ESR1: variants seen among roughly 807,000 people sequenced by gnomAD.
The protein encoded by ESR1 is estrogen receptor 1.
In ESR1, 12 loss-of-function variants were observed where a neutral mutation model predicts 52.7. The ratio of observed to expected loss-of-function variants is 0.23; its 90% CI spans 0.15 to 0.37. The LOEUF (loss-of-function observed/expected upper bound fraction) is 0.37, where lower values mean the gene tolerates loss of function less well. ESR1 is among the 10% of genes least tolerant of loss of function. The pLI, the probability that ESR1 is intolerant of heterozygous loss-of-function variation, is 1.00. For synonymous variants in ESR1, 305 were observed against 316.8 expected (o/e 0.96, Z 0.39); for missense variants, 584 against 779.7 (o/e 0.75, Z 2.99).
At chr6:152,057,740 A>T (rs962133136) in intron 5 of ESR1, among the ~76,000 whole-genome samples, 1 of 151,244 alleles carries the variant, frequency 6.6e-6, no homozygotes, top group Non-Finnish European at 1.5e-5. Flanking sequence ...TGAGAACTGA[A>T]TTGAGAGTTT....
intron 5 of ESR1, among the ~76,000 whole-genome samples, chr6:152,015,171 T>G (rs1162299025): frequency 6.6e-6 from 1 of 152,180 alleles, no homozygotes; most frequent in Non-Finnish European, 1.5e-5. Flanking sequence ...CAGTGAGCCC[T>G]TGTCCAGGCT....
At chr6:151,863,574 T>C (rs1210396020) in intron 2 of ESR1, among the ~76,000 whole-genome samples, 1 of 152,170 alleles carries the variant, frequency 6.6e-6, no homozygotes, top group Non-Finnish European at 1.5e-5. Flanking sequence ...AGATATACAA[T>C]CATGTCATCT....
chr6:152,085,302 C>G (rs1356582128), intron 6 of ESR1, among the ~76,000 whole-genome samples: 1 of 151,170 alleles, frequency 6.6e-6, no homozygotes, highest in African/African-American at 2.5e-5. Context: ...GACCCTGTCT[C>G]TCTTTCTAAA....
chr6:151,848,471 A>C (rs1266692187), intron 2 of ESR1, among the ~76,000 whole-genome samples: 1 of 126,272 alleles, frequency 7.9e-6, no homozygotes, highest in Non-Finnish European at 1.7e-5. Context: ...TAAAACTTAG[A>C]GTATAATAAA....
intron 4 of ESR1, among the ~76,000 whole-genome samples, chr6:151,975,507 T>C (rs1302036928): frequency 6.6e-6 from 1 of 152,096 alleles, no homozygotes; most frequent in Non-Finnish European, 1.5e-5. Context: ...ATTCATGCCA[T>C]TGCGGTCATT....
chr6:151,777,588 T>A (rs1786132550), intron 2 of ESR1, among the ~76,000 whole-genome samples: 2 of 152,144 alleles, frequency 1.3e-5, no homozygotes, highest in South Asian at 2.1e-4. Context: ...AAGGGTCATG[T>A]GGGGACTGGA....
intron 6 of ESR1, among the ~76,000 whole-genome samples, chr6:152,090,357 G>A (rs964875856): frequency 2.0e-5 from 3 of 152,154 alleles, no homozygotes; most frequent in East Asian, 3.8e-4. Flanking sequence ...ATCAAGATGC[G>A]ATAGAATGAA....
intron 4 of ESR1, among the ~76,000 whole-genome samples, chr6:151,988,960 G>A (rs1234025078): frequency 6.6e-6 from 1 of 152,000 alleles, no homozygotes; most frequent in Non-Finnish European, 1.5e-5. Context: ...TTACACACTG[G>A]CATGGGGAAT....
intron 2 of ESR1, among the ~76,000 whole-genome samples, chr6:151,707,972 G>C (rs1207640943): frequency 1.3e-5 from 2 of 151,960 alleles, no homozygotes; most frequent in African/African-American, 2.4e-5. Context: ...ATGTTACAGA[G>C]ATCTTGGGGG....
At chr6:151,855,471 CT>C (rs1450400781) in intron 2 of ESR1, among the ~76,000 whole-genome samples, 1 of 152,288 alleles carries the variant, frequency 6.6e-6, no homozygotes, top group East Asian at 1.9e-4. Context: ...ACCTAGAGAC[CT>C]CCCTGTTGAA....
chr6:151,755,425 C>T (rs929405774), intron 2 of ESR1, among the ~76,000 whole-genome samples: 1 of 152,024 alleles, frequency 6.6e-6, no homozygotes, highest in Admixed American at 6.5e-5. Flanking sequence ...ATCAGAGTAT[C>T]CTGTTGGCTA....
At chr6:151,887,476 A>G (rs1379657458) in intron 3 of ESR1, among the ~76,000 whole-genome samples, 1 of 152,094 alleles carries the variant, frequency 6.6e-6, no homozygotes, top group Non-Finnish European at 1.5e-5. Flanking sequence ...TTTTATATCA[A>G]TCAAGCTCTG....
intron 4 of ESR1, among the ~76,000 whole-genome samples, chr6:151,949,126 G>C (rs1047998746): frequency 1.3e-5 from 2 of 152,120 alleles, no homozygotes; most frequent in African/African-American, 4.8e-5. Flanking sequence ...CCACCATAGT[G>C]AGATTCTATT....
intron 2 of ESR1, among the ~76,000 whole-genome samples, chr6:151,791,299 G>A (rs769445212): frequency 6.6e-5 from 10 of 152,074 alleles, no homozygotes; most frequent in Non-Finnish European, 1.3e-4. Flanking sequence ...GGTCTCTCCC[G>A]TGCTGTTCTC....
intron 1 of ESR1, among the ~76,000 whole-genome samples, chr6:151,657,109 TTTTG>T (rs1297958181): frequency 1.3e-5 from 2 of 152,182 alleles, no homozygotes; most frequent in Non-Finnish European, 1.5e-5. Context: ...GGAATACAGT[TTTTG>T]TTTGTTTTAG....
rs542085445 is a variant in ESR1, at chr6:152,070,758, C to A, written c.1369+9634C>A. On this transcript the variant is annotated intron_variant, in intron 6 of 7. Coordinates refer to ENST00000206249, the MANE Select transcript of ESR1 (RefSeq NM_000125.4). ...CATTGAGCTCCCCACCAGCTTCCACCTCTTCCAGCACTTTCCGCCAGAGGG... is the reference window on the plus strand; with the variant it reads ...CATTGAGCTCCCCACCAGCTTCCACATCTTCCAGCACTTTCCGCCAGAGGG... 9.3e-5 allele frequency among the ~76,000 whole-genome samples: 13 copies of A among 139,310 alleles called. 2 individuals carry two copies. The East Asian group carries it at 3.0e-3, about 32-fold the overall frequency. 91.4% of individuals were successfully genotyped at this position (139,310 alleles called of 152,430 possible). A position where few individuals can be genotyped will look rare whatever the true frequency, so the allele number is the denominator to read the frequency against.
intron 2 of ESR1, among the ~76,000 whole-genome samples, chr6:151,704,761 G>T (rs1780053894): frequency 6.6e-6 from 1 of 152,128 alleles, no homozygotes; most frequent in Non-Finnish European, 1.5e-5. Context: ...CTAGGAGGGG[G>T]TTTCATTAAA....
Position 152,101,011 on chromosome 6 carries a change from CA to C in ESR1, c.*2050del. The C allele has an allele frequency of 4.5e-6, 1 of 220,750 alleles. No homozygotes were observed. The highest frequency in any genetic ancestry group is 8.9e-6 in the Non-Finnish European group (1 of 111,910). The allele number at this position is 220,750 out of a possible 1,614,324, so 13.7% of individuals were successfully genotyped here. On this transcript the variant is annotated 3_prime_UTR_variant, in exon 8 of 8. Coordinates refer to ENST00000206249, the MANE Select transcript of ESR1 (RefSeq NM_000125.4). ...GATTTAATTTGACTGGGTTAACATGCAAAAACCAAGGAAAAATATTTAGTTT... is the reference window on the plus strand; with the variant it reads ...GATTTAATTTGACTGGGTTAACATGCAAAACCAAGGAAAAATATTTAGTTT...
chr6:151,750,332 A>T lies in ESR1; in HGVS notation c.-71+48327A>T, dbSNP rs180691006. Among the ~76,000 whole-genome samples the T allele has an allele frequency of 2.6e-5, 4 of 152,320 alleles. No individual in the cohort carries two copies. In the East Asian group the frequency reaches 5.8e-4, roughly 22 times the overall value. On this transcript the variant is annotated intron_variant, in intron 2 of 2. Transcript: ENST00000404742. ...CCCTGATAATCGATGCTGTGTAATA[A>T]ATCGTTCTCAGCAATGGCAGTTTGG...
Sources: allele counts gnomAD v4.1 joint callset (sites outside exome capture counted in the v4.1 genomes callset), GRCh38; gene constraint gnomAD v4.1.1; transcripts MANE v1.5; gene names NCBI Gene and HGNC (gene_info 2026-07-23, HGNC 2026-07-21).